The following BRINP3 variants were observed in gnomAD, a reference collection of about 807,000 sequenced individuals.
BRINP3 encodes BMP/retinoic acid-inducible neural-specific protein 3.
A neutral mutation model predicts 71.0 loss-of-function variants in BRINP3; 19 were observed. The ratio of observed to expected loss-of-function variants is 0.27; its 90% CI spans 0.19 to 0.39. The LOEUF (loss-of-function observed/expected upper bound fraction) is 0.39, where lower values mean the gene tolerates loss of function less well. Among genes scored for constraint, BRINP3 ranks in the 10% least tolerant of loss-of-function variants. BRINP3 has a pLI of 1.00. For missense variants in BRINP3, 959 were observed against 940.8 expected (o/e 1.02, Z -0.25); for synonymous variants, 380 against 337.7 (o/e 1.13, Z -1.37).
chr1:190,273,804 C>T (rs1237085583), intron 3 of BRINP3, among the ~76,000 whole-genome samples: 1 of 151,430 alleles, frequency 6.6e-6, no homozygotes, highest in Non-Finnish European at 1.5e-5. Context: ...TAGAAACAGA[C>T]TAAAAATAAT....
chr1:190,387,691 T>C (rs1456813722), intron 2 of BRINP3, among the ~76,000 whole-genome samples: 1 of 151,832 alleles, frequency 6.6e-6, no homozygotes, highest in Non-Finnish European at 1.5e-5. Flanking sequence ...TGCTTGCTCA[T>C]TTGTTTTCTA....
chr1:190,143,983 T>C (rs1655675231), intron 7 of BRINP3, among the ~76,000 whole-genome samples: 1 of 152,182 alleles, frequency 6.6e-6, no homozygotes, highest in Non-Finnish European at 1.5e-5. Flanking sequence ...GAGCATGATG[T>C]CTGGTTGGCT....
intron 2 of BRINP3, among the ~76,000 whole-genome samples, chr1:190,452,437 A>G (rs769180829): frequency 4.6e-5 from 7 of 152,232 alleles, no homozygotes; most frequent in Non-Finnish European, 8.8e-5. Flanking sequence ...GTCTTCAGGA[A>G]GTGAGTTGCA....
At chr1:190,235,803 C>T (rs1216575553) in intron 4 of BRINP3, among the ~76,000 whole-genome samples, 1 of 152,038 alleles carries the variant, frequency 6.6e-6, no homozygotes, top group Non-Finnish European at 1.5e-5. Context: ...ACTCTTCCAA[C>T]ATTTTTTTCT....
chr1:190,338,492 C>T (rs997963305), intron 2 of BRINP3, among the ~76,000 whole-genome samples: 1 of 151,878 alleles, frequency 6.6e-6, no homozygotes, highest in Non-Finnish European at 1.5e-5. Context: ...TTTATTTGTA[C>T]CGGCACTGCT....
intron 5 of BRINP3, among the ~76,000 whole-genome samples, chr1:190,229,282 A>G (rs1001230277): frequency 3.3e-5 from 5 of 151,934 alleles, no homozygotes; most frequent in Non-Finnish European, 4.4e-5. Context: ...ATGATAGTGA[A>G]TAAGTCTCAG....
At chr1:190,154,577 G>C (rs1443895752) in intron 7 of BRINP3, among the ~76,000 whole-genome samples, 1 of 152,108 alleles carries the variant, frequency 6.6e-6, no homozygotes, top group Non-Finnish European at 1.5e-5. Context: ...CCACCAAACT[G>C]CTCTCCTAGT....
At chr1:190,206,989 T>G (rs1352849711) in intron 6 of BRINP3, among the ~76,000 whole-genome samples, 2 of 146,648 alleles carry the variant, frequency 1.4e-5, no homozygotes, top group African/African-American at 5.1e-5. Flanking sequence ...TTTTGTTTTG[T>G]TTTTTTGTTT....
chr1:190,291,544 T>A (rs1663866441), intron 2 of BRINP3, among the ~76,000 whole-genome samples: 1 of 152,132 alleles, frequency 6.6e-6, no homozygotes, highest in Admixed American at 6.6e-5. Flanking sequence ...GCCACCATTT[T>A]AATAAAAAAT....
chr1:190,134,436 GA>G (rs1484534055), intron 7 of BRINP3, among the ~76,000 whole-genome samples: 18 of 151,876 alleles, frequency 1.2e-4, no homozygotes, highest in Non-Finnish European at 1.2e-4. Flanking sequence ...AATCAGGGTA[GA>G]AAAAAATAGG....
chr1:190,340,944 G>C (rs1030910513), intron 2 of BRINP3, among the ~76,000 whole-genome samples: 1 of 151,714 alleles, frequency 6.6e-6, no homozygotes, highest in Non-Finnish European at 1.5e-5. Flanking sequence ...AAGGCTTAAA[G>C]ATGTATCATT....
chr1:190,290,931 G>A (rs1252905109), intron 2 of BRINP3, among the ~76,000 whole-genome samples: 2 of 151,680 alleles, frequency 1.3e-5, no homozygotes, highest in African/African-American at 4.8e-5. Context: ...GTGTATTTGT[G>A]GGAAGCATGG....
At chr1:190,200,411 T>G (rs1654899923) in intron 6 of BRINP3, among the ~76,000 whole-genome samples, 1 of 152,242 alleles carries the variant, frequency 6.6e-6, no homozygotes, top group Admixed American at 6.5e-5. Flanking sequence ...TTAGAGACCA[T>G]ATATTATTCT....
At chr1:190,171,845 G>A (rs761137251) in intron 6 of BRINP3, among the ~76,000 whole-genome samples, 2 of 151,992 alleles carry the variant, frequency 1.3e-5, no homozygotes, top group African/African-American at 2.4e-5. Flanking sequence ...AGTGGCTTAC[G>A]CCAGTAATCC....
At chr1:190,331,738 C>G (rs1456724336) in intron 2 of BRINP3, among the ~76,000 whole-genome samples, 2 of 152,014 alleles carry the variant, frequency 1.3e-5, no homozygotes, top group Admixed American at 1.3e-4. Flanking sequence ...AGATCACCTA[C>G]ACAGTTCCAA....
At chr1:190,332,229 T>A (rs1667011325) in intron 2 of BRINP3, among the ~76,000 whole-genome samples, 1 of 152,082 alleles carries the variant, frequency 6.6e-6, no homozygotes, top group South Asian at 2.1e-4. Context: ...CAACTCTTAC[T>A]TATCTTTCAT....
chr1:190,326,848 A>T (rs1336497112), intron 2 of BRINP3, among the ~76,000 whole-genome samples: 1 of 152,080 alleles, frequency 6.6e-6, no homozygotes, highest in Non-Finnish European at 1.5e-5. Context: ...CTGCAAAAAC[A>T]CGCTTAAGTA....
chr1:190,386,358 G>A (rs1670906994), intron 2 of BRINP3, among the ~76,000 whole-genome samples: 1 of 151,470 alleles, frequency 6.6e-6, no homozygotes, highest in African/African-American at 2.4e-5. Context: ...CTTGTGACAT[G>A]GGACTGTTTT....
chr1:190,303,291 T>C (rs577104592), intron 2 of BRINP3, among the ~76,000 whole-genome samples: 1 of 151,874 alleles, frequency 6.6e-6, no homozygotes, highest in African/African-American at 2.4e-5. Context: ...ATAATTTAAA[T>C]CCAATGTTTT....
Sources: gnomAD v4.1 joint callset for allele counts (sites outside exome capture counted in the v4.1 genomes callset) on GRCh38, gnomAD v4.1.1 for gene constraint, MANE v1.5 for transcripts, NCBI Gene and HGNC (gene_info 2026-07-23, HGNC 2026-07-21) for gene names.